Variants in LZTFL1 observed in about 807,000 individuals in gnomAD.
LZTFL1 encodes leucine zipper transcription factor-like protein 1.
LZTFL1 carries 25 observed loss-of-function variants against 45.9 expected under a neutral mutation model. The ratio of observed to expected loss-of-function variants is 0.54; its 90% CI spans 0.40 to 0.76. The LOEUF (loss-of-function observed/expected upper bound fraction) is 0.76. Ranked by LOEUF, LZTFL1 falls within the 30% of genes least tolerant of loss-of-function variation. The probability of loss-of-function intolerance (pLI) is 0.00; values close to 1 mark genes in which losing one functional copy is unlikely to be tolerated. For missense variants in LZTFL1, 277 were observed against 331.1 expected (o/e 0.84, Z 1.27); for synonymous variants, 93 against 117.4 (o/e 0.79, Z 1.35).
At chr3:45,876,139 C>T (rs1214074130) in intron 2 of LZTFL1, among the ~76,000 whole-genome samples, 1 of 152,192 alleles carries the variant, frequency 6.6e-6, no homozygotes, top group African/African-American at 2.4e-5. Flanking sequence ...CTTTCTCTTT[C>T]CTGGACCAGG....
chr3:45,881,645 C>G (rs959977443), intron 2 of LZTFL1, among the ~76,000 whole-genome samples: 1 of 152,274 alleles, frequency 6.6e-6, no homozygotes, highest in African/African-American at 2.4e-5. Context: ...CTGCGACACA[C>G]GAAGAATGTG....
intron 9 of LZTFL1, 49 bp from the exon 10 acceptor site, chr3:45,826,381 T>C (rs375096766): frequency 3.7e-5 from 55 of 1,471,162 alleles, no homozygotes; most frequent in Non-Finnish European, 5.2e-5. Flanking sequence ...TTTGTTGTTG[T>C]TATTACCAAA....
intron 4 of LZTFL1, among the ~76,000 whole-genome samples, chr3:45,851,133 T>G (rs192301763): frequency 7.5e-4 from 114 of 152,292 alleles, no homozygotes; most frequent in Middle Eastern, 6.8e-3. Context: ...TCGGAAATGC[T>G]TCTCGCTAAT....
intron 2 of LZTFL1, among the ~76,000 whole-genome samples, chr3:45,862,612 G>C (rs1405450785): frequency 1.3e-5 from 2 of 152,210 alleles, no homozygotes; most frequent in Non-Finnish European, 2.9e-5. Flanking sequence ...TGACCCTCCT[G>C]GTTCTACAAT....
chr3:45,842,202 G>A (rs1398320006), upstream of LZTFL1: 7 of 1,430,920 alleles, frequency 4.9e-6, no homozygotes, highest in Non-Finnish European at 6.4e-6. Flanking sequence ...GAAGTATTGC[G>A]TAACCGGTTG....
chr3:45,899,238 T>C (rs1702467903), intron 2 of LZTFL1, among the ~76,000 whole-genome samples: 1 of 152,232 alleles, frequency 6.6e-6, no homozygotes, highest in South Asian at 2.1e-4. Flanking sequence ...TCAGGAGTAT[T>C]GTGAATTTCA....
chr3:45,831,123 G>A lies in LZTFL1; in HGVS notation c.472C>T (p.Gln158Ter). The change falls in exon 6 of 10, where the codon CAA becomes TAA. Residue 158 changes from glutamine to a stop codon, truncating the protein, a stop_gained. Transcript: ENST00000296135. LOFTEE classifies it high-confidence loss of function. ...GACTTCAATTTCTCATTCTCTTCTT[G>A]AAGTCTTAAAATTTCCTTTGTGAGT... ...ELLNKEILRLQEENEKLKSRL... is the reference protein window; with the variant it reads ...ELLNKEILRL 1.3e-6 allele frequency: 2 copies of A among 1,585,858 alleles called. No individual in the cohort carries two copies. Among genetic ancestry groups the A allele is most frequent in the Non-Finnish European group, 1.7e-6 (2 of 1,167,222 alleles).
In LZTFL1 at chr3:45,826,104, T is replaced by C. The variant is rs1559399577; in HGVS notation, c.*210A>G. On this transcript the variant is annotated 3_prime_UTR_variant, in exon 10 of 10. Transcript: ENST00000296135. ...TGAGCTAAGACTCTGGAGCACTCAG[T>C]AGAGAGGTGTGTGGGATGACCAGAC... 3 of 567,040 alleles carry C rather than the reference T, an allele frequency of 5.3e-6. No individual in the cohort carries two copies. The highest frequency in any genetic ancestry group is 6.3e-6 in the Non-Finnish European group (2 of 319,434). The allele number at this position is 567,040 out of a possible 1,614,324, so 35.1% of individuals were successfully genotyped here.
chr3:45,846,389 G>A (rs1269263353), upstream of LZTFL1, among the ~76,000 whole-genome samples: 1 of 152,004 alleles, frequency 6.6e-6, no homozygotes, highest in African/African-American at 2.4e-5. Context: ...ATATTTTGTG[G>A]TTTCTTTTAA....
intron 2 of LZTFL1, among the ~76,000 whole-genome samples, chr3:45,868,672 A>C (rs1381531637): frequency 6.6e-6 from 1 of 152,164 alleles, no homozygotes; most frequent in Non-Finnish European, 1.5e-5. Flanking sequence ...GGTAAACCCA[A>C]CTCTCTCTGA....
chr3:45,910,439 G>T (rs998239927), intron 2 of LZTFL1, among the ~76,000 whole-genome samples: 2 of 152,206 alleles, frequency 1.3e-5, no homozygotes, highest in African/African-American at 4.8e-5. Flanking sequence ...TCAGCAGAGA[G>T]CAAGTCTGGG....
At chr3:45,881,789 G>A (rs1701865399) in intron 2 of LZTFL1, among the ~76,000 whole-genome samples, 9 of 152,196 alleles carry the variant, frequency 5.9e-5, no homozygotes, top group Admixed American at 5.9e-4. Context: ...TCACCCCCTT[G>A]CAGAAGGGAG....
chr3:45,896,668 T>C (rs913217161), intron 2 of LZTFL1, among the ~76,000 whole-genome samples: 2 of 152,262 alleles, frequency 1.3e-5, no homozygotes, highest in African/African-American at 2.4e-5. Context: ...GTCAAAGCAC[T>C]GAAATCCAGG....
At chr3:45,909,176 G>A (rs1339683486) in intron 2 of LZTFL1, among the ~76,000 whole-genome samples, 1 of 152,076 alleles carries the variant, frequency 6.6e-6, no homozygotes, top group Non-Finnish European at 1.5e-5. Flanking sequence ...TCTACATTAT[G>A]GCGAGTTGTA....
At chr3:45,829,922 A>C (rs1700772072) in intron 7 of LZTFL1, among the ~76,000 whole-genome samples, 1 of 152,250 alleles carries the variant, frequency 6.6e-6, no homozygotes, top group Non-Finnish European at 1.5e-5. Context: ...TAGCTATATA[A>C]GAAGTATCCT....
At chr3:45,894,849 G>T in intron 2 of LZTFL1, 1 of 1,228,530 alleles carries the variant, frequency 8.1e-7, no homozygotes, top group Non-Finnish European at 1.2e-6. Flanking sequence ...TTTGGCATTT[G>T]GTTGTTACTA....
At chr3:45,877,902 T>C (rs1006166581) in intron 2 of LZTFL1, among the ~76,000 whole-genome samples, 1 of 151,812 alleles carries the variant, frequency 6.6e-6, no homozygotes, top group Admixed American at 6.6e-5. Context: ...CCTGCCACTA[T>C]GCCTGGCTAA....
chr3:45,833,411 C>T (rs1700882650), intron 4 of LZTFL1, among the ~76,000 whole-genome samples: 2 of 152,048 alleles, frequency 1.3e-5, no homozygotes, highest in South Asian at 2.1e-4. Flanking sequence ...AAAGGAGGGA[C>T]GGAAGGAGCT....
intron 4 of LZTFL1, chr3:45,854,851 TC>T (rs1701364244): frequency 3.2e-6 from 2 of 619,478 alleles, no homozygotes; most frequent in Non-Finnish European, 5.4e-6. Context: ...TAACTCAAAA[TC>T]ATCACCATTC....
Sources: gnomAD v4.1 joint callset for allele counts (sites outside exome capture counted in the v4.1 genomes callset) on GRCh38, gnomAD v4.1.1 for gene constraint, MANE v1.5 for transcripts, NCBI Gene and HGNC (gene_info 2026-07-23, HGNC 2026-07-21) for gene names.